Variants in SSH1 observed in about 807,000 individuals in gnomAD.
SSH1 encodes protein phosphatase Slingshot homolog 1.
A neutral mutation model predicts 79.7 loss-of-function variants in SSH1; 43 were observed. The observed-to-expected ratio is 0.54, with a 90% CI of 0.42 to 0.70. The LOEUF (loss-of-function observed/expected upper bound fraction) is 0.70. SSH1 is among the 30% of genes least tolerant of loss of function. The pLI is 0.00. For missense variants in SSH1, 1,206 were observed against 1,358.8 expected (o/e 0.89, Z 1.77); for synonymous variants, 599 against 538.3 (o/e 1.11, Z -1.56).
At chr12:108,790,483 C>A (rs911565266) in intron 14 of SSH1, among the ~76,000 whole-genome samples, 12 of 152,228 alleles carry the variant, frequency 7.9e-5, no homozygotes, top group African/African-American at 2.9e-4. Context: ...AGGGTTTCAC[C>A]ATGTTGGTCA....
At chr12:108,789,375 C>T in intron 14 of SSH1, 131 bp from the exon 15 acceptor site, 1 of 925,400 alleles carries the variant, frequency 1.1e-6, no homozygotes, top group Non-Finnish European at 1.7e-6. Context: ...GCTCTCATTT[C>T]ACTTAATACT....
At chr12:108,853,940 G>A (rs937560468) in intron 1 of SSH1, among the ~76,000 whole-genome samples, 7 of 147,734 alleles carry the variant, frequency 4.7e-5, no homozygotes, top group Admixed American at 6.7e-5. Flanking sequence ...AAAAAAAAGC[G>A]TACACCAGAG....
chr12:108,779,673 T>A lies in SSH1; in HGVS notation c.*8315A>T, dbSNP rs1347791384. ...AAAAAGGACTCTCCTCTACCTTTTT[T>A]TTTCTTTTTTTTGTTTTTTGAGACA... On this transcript the variant is annotated 3_prime_UTR_variant, in exon 15 of 15. Coordinates refer to ENST00000326495, the MANE Select transcript of SSH1 (RefSeq NM_018984.4). 1 of 152,016 alleles carries A rather than the reference T, an allele frequency of 6.6e-6. No homozygotes were observed. The highest frequency in any genetic ancestry group is 2.4e-5 in the African/African-American group (1 of 41,374). The allele number at this position is 152,016 out of a possible 1,614,324, so 9.4% of individuals were successfully genotyped here. A position where few individuals can be genotyped will look rare whatever the true frequency, so the allele number is the denominator to read the frequency against.
intron 5 of SSH1, among the ~76,000 whole-genome samples, chr12:108,815,954 A>C (rs530884231): frequency 2.0e-5 from 3 of 152,250 alleles, no homozygotes; most frequent in Non-Finnish European, 4.4e-5. Context: ...GGAACAAGAC[A>C]AGACCATACT....
intron 1 of SSH1, chr12:108,852,994 C>T: frequency 1.0e-6 from 1 of 985,380 alleles, no homozygotes; most frequent in South Asian, 4.7e-5. Flanking sequence ...CCTCAACTTT[C>T]CGAGGTTGTT....
intron 2 of SSH1, among the ~76,000 whole-genome samples, chr12:108,832,916 G>A (rs953454116): frequency 3.3e-5 from 5 of 152,174 alleles, no homozygotes; most frequent in Admixed American, 1.3e-4. Flanking sequence ...TCTGCAGAGC[G>A]TTATACTTAG....
rs1167983796 is a variant in SSH1, at chr12:108,788,225, G to A, written c.2913C>T (p.Ser971=). The A allele has an allele frequency of 5.6e-6, 9 of 1,613,804 alleles. No homozygotes were observed. The highest frequency in any genetic ancestry group is 2.2e-5 in the East Asian group (1 of 44,870). ...CAAGAGAGTGTGAGCGCTTCAGTGGGGAAGAGACGGTGAGGCCCGCCAGCC... is the reference window on the plus strand; with the variant it reads ...CAAGAGAGTGTGAGCGCTTCAGTGGAGAAGAGACGGTGAGGCCCGCCAGCC... The part of the protein sequence containing the change: ...RLRLAGLTVS[S]PLKRSHSLAK... Residue 971 remains serine (S), a synonymous_variant, in exon 15 of 15, where the codon TCC becomes TCT. Transcript: ENST00000326495.
In SSH1 at chr12:108,845,618, C is replaced by T. The variant is rs947248149; in HGVS notation, c.110+7020G>A. 5.9e-5 allele frequency among the ~76,000 whole-genome samples: 9 copies of T among 152,282 alleles called. No homozygotes were observed. In the East Asian group the frequency reaches 1.7e-3, roughly 29 times the overall value. ...AGGAGAATCGCTTGAACCCGGGAGG[C>T]GGAGGTTGCAGCGAGCTGAGATTGC... On this transcript the variant is annotated intron_variant, in intron 2 of 14. Coordinates refer to ENST00000326495, the MANE Select transcript of SSH1 (RefSeq NM_018984.4).
chr12:108,836,709 T>A (rs2038640379), intron 2 of SSH1, among the ~76,000 whole-genome samples: 2 of 152,206 alleles, frequency 1.3e-5, no homozygotes, highest in Admixed American at 6.5e-5. Context: ...GGGAAAAGAA[T>A]AACTGTACAG....
Position 108,782,249 on chromosome 12 carries a change from A to G in SSH1, c.*5739T>C, listed in dbSNP as rs2036154711. On this transcript the variant is annotated 3_prime_UTR_variant, in exon 15 of 15. Coordinates refer to ENST00000326495, the MANE Select transcript of SSH1 (RefSeq NM_018984.4). ...GGGTGAAGTGGACTGGGACATGAGC[A>G]TGCACCTTGGAAACCAGCAGTACTT... 6.6e-6 allele frequency: 1 copy of G among 151,854 alleles called. No individual in the cohort carries two copies. The highest frequency in any genetic ancestry group is 2.4e-5 in the African/African-American group (1 of 41,308). 9.4% of individuals were successfully genotyped at this position (151,854 alleles called of 1,614,324 possible). A position where few individuals can be genotyped will look rare whatever the true frequency, so the allele number is the denominator to read the frequency against.
intron 2 of SSH1, among the ~76,000 whole-genome samples, chr12:108,837,634 A>AT: frequency 6.6e-6 from 1 of 152,328 alleles, no homozygotes; most frequent in Middle Eastern, 3.4e-3. Flanking sequence ...TCGACGTAGT[A>AT]TTTTACATAT....
intron 2 of SSH1, among the ~76,000 whole-genome samples, chr12:108,830,257 GC>G (rs1266875316): frequency 2.3e-4 from 35 of 152,328 alleles, no homozygotes; most frequent in African/African-American, 7.7e-4. Flanking sequence ...TTCAAGACCA[GC>G]CTGGAAAACA....
At chr12:108,852,596 T>C in intron 2 of SSH1, 42 bp downstream of exon 2, 6 of 1,612,370 alleles carry the variant, frequency 3.7e-6, no homozygotes, top group Non-Finnish European at 5.1e-6. Context: ...CCTTACCTGC[T>C]TGGGAGAAAG....
rs974106766 is a variant in SSH1 at position 108,857,416 on chromosome 12, C to G, written c.69+12G>C. The G allele has an allele frequency of 8.3e-5, 89 of 1,070,456 alleles. No homozygotes were observed. The Admixed American group carries it at 8.8e-4, about 11-fold the overall frequency. 66.3% of individuals were successfully genotyped at this position (1,070,456 alleles called of 1,614,324 possible). On this transcript the variant is annotated intron_variant, in intron 1 of 14. Coordinates refer to ENST00000326495, the MANE Select transcript of SSH1 (RefSeq NM_018984.4). The surrounding 1 kb of genome is among the most constrained non-coding windows in gnomAD (Gnocchi z 4.7). ...GGCGGCCCAGGCCGGGCGCGGCGAG[C>G]CCGGGGCTCACCTCGCTGTTGCTGG...
intron 1 of SSH1, among the ~76,000 whole-genome samples, chr12:108,854,530 G>A (rs1382894023): frequency 1.3e-5 from 2 of 152,182 alleles, no homozygotes; most frequent in African/African-American, 4.8e-5. Flanking sequence ...AGAGCCTTAG[G>A]ACTGAGGGCT....
intron 5 of SSH1, among the ~76,000 whole-genome samples, chr12:108,813,589 T>A (rs1237468335): frequency 6.6e-6 from 1 of 151,218 alleles, no homozygotes; most frequent in Non-Finnish European, 1.5e-5. Flanking sequence ...GGCATGTGCC[T>A]GTGGCCTCGG....
At chr12:108,836,144 T>C (rs2038624545) in intron 2 of SSH1, among the ~76,000 whole-genome samples, 1 of 151,234 alleles carries the variant, frequency 6.6e-6, no homozygotes, top group Admixed American at 6.6e-5. Context: ...TCAGGGACAA[T>C]GGGAGTCATG....
At chr12:108,794,455 C>T (rs1324400865) in intron 13 of SSH1, among the ~76,000 whole-genome samples, 2 of 152,210 alleles carry the variant, frequency 1.3e-5, no homozygotes, top group Non-Finnish European at 2.9e-5. Context: ...AACCTCTCAG[C>T]GTCAGCTCCT....
At chr12:108,789,405 G>A (rs752729122) in intron 14 of SSH1, among the ~76,000 whole-genome samples, 161 bp from the exon 15 acceptor site, 7 of 152,126 alleles carry the variant, frequency 4.6e-5, no homozygotes, top group Middle Eastern at 3.2e-3. Context: ...ACCTCCTGGA[G>A]CCCACTTGAT....
Sources: gnomAD v4.1 joint callset for allele counts (sites outside exome capture counted in the v4.1 genomes callset) on GRCh38, gnomAD v4.1.1 for gene constraint, Gnocchi (gnomAD v3.1) non-coding constraint, MANE v1.5 for transcripts, NCBI Gene and HGNC (gene_info 2026-07-23, HGNC 2026-07-21) for gene names.